The following MEF2C variants were observed in gnomAD, a reference collection of about 807,000 sequenced individuals.
MEF2C encodes the protein myocyte enhancer factor 2C, also known as myocyte-specific enhancer factor 2C.
MEF2C carries 6 observed loss-of-function variants against 50.5 expected under a neutral mutation model. The ratio of observed to expected loss-of-function variants is 0.12; its 90% CI spans 0.07 to 0.23. The LOEUF is 0.23. Among genes scored for constraint, MEF2C ranks in the 10% least tolerant of loss-of-function variants. The pLI is 1.00. For missense variants in MEF2C, 276 were observed against 605.0 expected, an observed-to-expected ratio of 0.46 and a Z score of 5.70; for synonymous variants, 183 against 228.0, an observed-to-expected ratio of 0.80 and a Z score of 1.78.
Position 88,731,897 on chromosome 5 carries a change from G to C in MEF2C, c.642C>G (p.Asn214Lys). ...LTSGAGTSAG[N>K]GYGNPRNSPG... ...GTGAGTTTCGGGGATTGCCATACCC[G>C]TTCCCTGTTAACAAAAAACAATAAA... Residue 214 changes from asparagine to lysine, a missense_variant, in exon 7 of 11, where the codon AAC becomes AAG. Physicochemically the swap from Asn to Lys is moderately conservative, Grantham distance 94. This residue lies in a region of MEF2C where 256 missense variants were observed against 468.1 expected (regional missense o/e 0.55). Coordinates refer to ENST00000504921, the MANE Select transcript of MEF2C (RefSeq NM_002397.5). 6.2e-7 allele frequency: 1 copy of C among 1,606,350 alleles called. No homozygotes were observed. The highest frequency in any genetic ancestry group is 8.5e-7 in the Non-Finnish European group (1 of 1,175,424).
At chr5:88,728,740 T>G (rs1392148955) in intron 9 of MEF2C, 112 bp from the exon 10 acceptor site, 2 of 791,548 alleles carry the variant, frequency 2.5e-6, no homozygotes, top group East Asian at 3.3e-5. Flanking sequence ...TTATCGTTAT[T>G]ATAGATATTT....
chr5:88,899,831 G>A (rs570558346), intron 1 of MEF2C, among the ~76,000 whole-genome samples: 1 of 152,220 alleles, frequency 6.6e-6, no homozygotes, highest in East Asian at 1.9e-4. Context: ...AAATGTAATG[G>A]AATAAGCAAA....
At chr5:88,821,210 A>T (rs244761) in intron 2 of MEF2C, among the ~76,000 whole-genome samples, 66,438 of 151,790 alleles carry the variant, frequency 0.44, 16,989 homozygotes, top group African/African-American at 0.71. Flanking sequence ...TATATATAAA[A>T]AAAGAAAAGA....
intron 6 of MEF2C, among the ~76,000 whole-genome samples, chr5:88,746,246 ATGT>A (rs1261400891): frequency 6.6e-6 from 1 of 152,170 alleles, no homozygotes; most frequent in Non-Finnish European, 1.5e-5. Flanking sequence ...ATGAATTAGG[ATGT>A]TCTAGAAACT....
At chr5:88,807,852 T>C (rs1326081730) in intron 2 of MEF2C, among the ~76,000 whole-genome samples, 2 of 152,206 alleles carry the variant, frequency 1.3e-5, no homozygotes, top group Non-Finnish European at 2.9e-5. Flanking sequence ...CATTTAGATA[T>C]TTACTAGCCC....
intron 2 of MEF2C, chr5:88,817,761 A>C (rs1806161476): frequency 6.6e-6 from 1 of 151,994 alleles, no homozygotes; most frequent in South Asian, 2.1e-4. Context: ...ACAAATATTT[A>C]AATGTCTTTT....
intron 1 of MEF2C, among the ~76,000 whole-genome samples, chr5:88,861,581 T>C (rs1032408334): frequency 3.3e-5 from 5 of 152,214 alleles, no homozygotes; most frequent in African/African-American, 1.2e-4. Context: ...TGACACTTAA[T>C]AGATTTATAA....
chr5:88,724,997 A>G lies in MEF2C; in HGVS notation c.1101-2072T>C, dbSNP rs76738785. On this transcript the variant is annotated intron_variant, in intron 10 of 10. Transcript: ENST00000504921. ...ATTATGTCTTCACAGGGAGGGTGAC[A>G]TAGAAAATTAGAAGAAAAAATTGGT... 3.5e-3 allele frequency among the ~76,000 whole-genome samples: 526 copies of G among 152,250 alleles called. 3 individuals carry two copies. The highest frequency in any genetic ancestry group is 0.012 in the African/African-American group (501 of 41,568).
chr5:88,819,411 C>T (rs887395262), intron 2 of MEF2C: 2 of 983,026 alleles, frequency 2.0e-6, no homozygotes, highest in African/African-American at 3.5e-5. Flanking sequence ...TATCTGGGTC[C>T]TGTCTAACAT....
In MEF2C at chr5:88,728,103, T is replaced by C. The variant is rs534660249; in HGVS notation, c.1100+390A>G. ...ATTGACTAGTTGTTCCTATGTGTAT[T>C]AGGTTAACATTAGCATAAACCATAT... On this transcript the variant is annotated intron_variant, in intron 10 of 10. Coordinates refer to ENST00000504921, the MANE Select transcript of MEF2C (RefSeq NM_002397.5). Among the ~76,000 whole-genome samples, 15 of 152,126 alleles carry C rather than the reference T, an allele frequency of 9.9e-5. No individual in the cohort carries two copies. The East Asian group carries it at 2.9e-3, about 29-fold the overall frequency.
chr5:88,895,564 ACTC>A (rs1333770280), intron 1 of MEF2C, among the ~76,000 whole-genome samples: 9 of 152,174 alleles, frequency 5.9e-5, no homozygotes, highest in Admixed American at 3.3e-4. Context: ...ATCCCAGTGA[ACTC>A]CTCTTAAAAC....
intron 7 of MEF2C, among the ~76,000 whole-genome samples, chr5:88,730,671 A>G (rs1452578805): frequency 1.3e-5 from 2 of 152,168 alleles, no homozygotes. Context: ...CACGGCCCAC[A>G]CTGCTTGGCT....
At position 88,740,858 on chromosome 5, in the gene MEF2C, CTT is replaced by C. The variant is rs560784348; in HGVS notation, c.637+8210_637+8211del. 435 of 985,288 alleles carry C rather than the reference CTT, an allele frequency of 4.4e-4. 1 individual carries two copies. The African/African-American group carries it at 7.0e-3, about 16-fold the overall frequency. 61.0% of individuals were successfully genotyped at this position (985,288 alleles called of 1,614,324 possible). On this transcript the variant is annotated intron_variant, in intron 6 of 10. Transcript: ENST00000504921. ...ACTTCTTGAGATTTTGGGGCTGTCT[CTT>C]TGCTAAAAATGAGGGGGTGTCTTCA...
intron 3 of MEF2C, among the ~76,000 whole-genome samples, chr5:88,766,992 C>T (rs561435810): frequency 6.6e-6 from 1 of 152,246 alleles, no homozygotes. Context: ...ATAGGAAGTG[C>T]AGTTGAAATG....
chr5:88,745,950 A>G (rs1033316831), intron 6 of MEF2C, among the ~76,000 whole-genome samples: 29 of 152,312 alleles, frequency 1.9e-4, no homozygotes, highest in African/African-American at 7.0e-4. Flanking sequence ...TTAAACGACT[A>G]TTATGAGAAT....
intron 6 of MEF2C, among the ~76,000 whole-genome samples, chr5:88,745,825 C>T (rs548358465): frequency 3.3e-5 from 5 of 152,286 alleles, no homozygotes; most frequent in Admixed American, 2.0e-4. Context: ...AAAACACACA[C>T]ATACAAACAC....
chr5:88,895,427 C>T (rs1160813974), intron 1 of MEF2C, among the ~76,000 whole-genome samples: 1 of 152,014 alleles, frequency 6.6e-6, no homozygotes, highest in Non-Finnish European at 1.5e-5. Context: ...ACCCATTTGC[C>T]CAGAATGATG....
intron 3 of MEF2C, chr5:88,769,887 C>A (rs1396766515): frequency 2.3e-6 from 2 of 859,306 alleles, no homozygotes; most frequent in African/African-American, 3.7e-5. Flanking sequence ...CTCATGTAAT[C>A]CACCCACCTA....
chr5:88,844,715 G>T, intron 1 of MEF2C: 1 of 364,462 alleles, frequency 2.7e-6, no homozygotes, highest in Non-Finnish European at 3.8e-6. Flanking sequence ...TTTTCCTCAT[G>T]GTTAAAATTT....
Sources: allele counts gnomAD v4.1 joint callset (sites outside exome capture counted in the v4.1 genomes callset), GRCh38; gene constraint gnomAD v4.1.1; regional missense constraint gnomAD v4.1.1; transcripts MANE v1.5; gene names NCBI Gene and HGNC (gene_info 2026-07-23, HGNC 2026-07-21).